The following TMEM33 variants were observed in gnomAD, a reference collection of about 807,000 sequenced individuals.
TMEM33 encodes transmembrane protein 33.
In TMEM33, 16 loss-of-function variants were observed where a neutral mutation model predicts 29.7. The observed-to-expected ratio is 0.54, with a 90% CI of 0.36 to 0.82. TMEM33 has a LOEUF of 0.82. Among genes scored for constraint, TMEM33 ranks in the 40% least tolerant of loss-of-function variants. The pLI is 0.00. For missense variants in TMEM33, 252 were observed against 295.3 expected, an observed-to-expected ratio of 0.85 and a Z score of 1.08; for synonymous variants, 112 against 109.4, an observed-to-expected ratio of 1.02 and a Z score of -0.15.
intron 6 of TMEM33, among the ~76,000 whole-genome samples, chr4:41,952,122 G>A (rs1038511999): frequency 9.9e-5 from 15 of 152,148 alleles, no homozygotes; most frequent in African/African-American, 3.6e-4. Context: ...AAGGTATTAG[G>A]AGATAGGATA....
At chr4:41,942,308 A>G (rs1054525437) in intron 3 of TMEM33, among the ~76,000 whole-genome samples, 1 of 152,170 alleles carries the variant, frequency 6.6e-6, no homozygotes. Flanking sequence ...GGAAATGGAC[A>G]TTTTTCTTAA....
intron 6 of TMEM33, among the ~76,000 whole-genome samples, chr4:41,951,334 G>A (rs1282670823): frequency 2.6e-5 from 4 of 152,146 alleles, no homozygotes; most frequent in African/African-American, 9.7e-5. Flanking sequence ...GCACACATAT[G>A]CAAAAATTTT....
At chr4:41,953,171 A>ATTT (rs1713118039) in intron 6 of TMEM33, among the ~76,000 whole-genome samples, 1 of 152,298 alleles carries the variant, frequency 6.6e-6, no homozygotes, top group Admixed American at 6.5e-5. Context: ...TTTCTCTACA[A>ATTT]TGCATTCTAG....
chr4:41,941,518 G>A (rs534924533), intron 3 of TMEM33, among the ~76,000 whole-genome samples: 10 of 152,354 alleles, frequency 6.6e-5, no homozygotes, highest in Admixed American at 2.6e-4. Flanking sequence ...CACTCAGTAA[G>A]TTTTGTTGAG....
At chr4:41,944,438 C>T (rs1168779890) in intron 4 of TMEM33, among the ~76,000 whole-genome samples, 1 of 152,102 alleles carries the variant, frequency 6.6e-6, no homozygotes. Context: ...ATAATTCTAA[C>T]ATTAGCTAAG....
At chr4:41,946,898 C>T (rs1217607884) in intron 5 of TMEM33, among the ~76,000 whole-genome samples, 1 of 152,004 alleles carries the variant, frequency 6.6e-6, no homozygotes, top group Non-Finnish European at 1.5e-5. Context: ...GGGTCAGGAT[C>T]ACAGGTTCTG....
At chr4:41,947,234 C>CAA (rs527622236) in intron 5 of TMEM33, among the ~76,000 whole-genome samples, 3 of 126,604 alleles carry the variant, frequency 2.4e-5, no homozygotes, top group Non-Finnish European at 1.7e-5. Flanking sequence ...GACTCCCTCT[C>CAA]AAAAAAAAAA....
chr4:41,949,452 A>G lies in TMEM33; in HGVS notation c.614+67A>G, dbSNP rs183718818. The G allele has an allele frequency of 3.3e-4, 421 of 1,285,086 alleles. 1 individual carries two copies. Among genetic ancestry groups the G allele is most frequent in the Non-Finnish European group, 3.6e-4 (327 of 920,146 alleles). 79.6% of individuals were successfully genotyped at this position (1,285,086 alleles called of 1,614,324 possible). A position where few individuals can be genotyped will look rare whatever the true frequency, so the allele number is the denominator to read the frequency against. ...GTATTGTGAATATATAGTATTCGCA[A>G]TTCTTAAGAGTTACTTAGCTAATGT... is the stretch of plus-strand genomic sequence containing the variant. On this transcript the variant is annotated intron_variant, in intron 6 of 6. Transcript: ENST00000504986.
rs891454187 is a variant in TMEM33 at position 41,940,362 on chromosome 4, A to G, written c.328+979A>G. Among the ~76,000 whole-genome samples, 6 of 152,098 alleles carry G rather than the reference A, an allele frequency of 3.9e-5. No individual in the cohort carries two copies. In the South Asian group the frequency reaches 1.2e-3, roughly 31 times the overall value. The stretch of plus-strand genomic sequence containing the variant: ...AATATTTATGATACATCTGTATGTT[A>G]TGTAAAGCACAATAAAATATTCCTC... On this transcript the variant is annotated intron_variant, in intron 3 of 6. Coordinates refer to ENST00000504986, the MANE Select transcript of TMEM33 (RefSeq NM_018126.3).
chr4:41,944,986 C>G (rs1479924916), intron 5 of TMEM33, 60 bp downstream of exon 5: 1 of 1,582,634 alleles, frequency 6.3e-7, no homozygotes, highest in Non-Finnish European at 8.6e-7. Context: ...AAGATAGTAA[C>G]TCAAGTTTTA....
intron 6 of TMEM33, among the ~76,000 whole-genome samples, chr4:41,952,696 A>G (rs1486338095): frequency 1.3e-5 from 2 of 152,220 alleles, no homozygotes; most frequent in African/African-American, 4.8e-5. Flanking sequence ...TGTGGAGGGT[A>G]TTGGGTGTGA....
chr4:41,937,651 G>A (rs1431865356), intron 1 of TMEM33, among the ~76,000 whole-genome samples: 1 of 151,930 alleles, frequency 6.6e-6, no homozygotes, highest in African/African-American at 2.4e-5. Context: ...ATACAGTAGG[G>A]TAAATATTTG....
In TMEM33 at chr4:41,938,700, T is replaced by A; in HGVS notation, c.140+4T>A. ...TGTTTGTTCTGCCTCTTCTTGGGTA[T>A]GTATTATACATATTGCTGCCTTTGA... On this transcript the variant is annotated splice_donor_region_variant and intron_variant, in intron 2 of 6. Transcript: ENST00000504986. The A allele has an allele frequency of 6.2e-7, 1 of 1,613,916 alleles. No homozygotes were observed. Among genetic ancestry groups the A allele is most frequent in the South Asian group, 1.1e-5 (1 of 91,080 alleles).
chr4:41,935,154 T>G, upstream of TMEM33: 1 of 444,278 alleles, frequency 2.3e-6, no homozygotes, highest in South Asian at 2.4e-5. Flanking sequence ...GGTTCGGCAA[T>G]AACCTGGAGC....
rs184863388 is a variant in TMEM33, at chr4:41,953,709, A to C, written c.615-361A>C. 1,119 of 456,672 alleles carry C rather than the reference A, an allele frequency of 2.5e-3. 8 individuals carry two copies. Among genetic ancestry groups the C allele is most frequent in the South Asian group, 8.2e-3 (525 of 64,392 alleles). 28.3% of individuals were successfully genotyped at this position (456,672 alleles called of 1,614,324 possible). A position where few individuals can be genotyped will look rare whatever the true frequency, so the allele number is the denominator to read the frequency against. On this transcript the variant is annotated intron_variant, in intron 6 of 6. Transcript: ENST00000504986. ...TAGGTAGGTCTGAGGAGAGGGAAAG[A>C]GACCAATCAGGAATGGCCTTCATGA...
intron 3 of TMEM33, chr4:41,939,659 C>T: frequency 1.9e-6 from 1 of 525,870 alleles, no homozygotes; most frequent in Non-Finnish European, 3.7e-6. Context: ...CGAAGCACAA[C>T]CTTACGCAGA....
chr4:41,937,354 G>A (rs1416243845), intron 1 of TMEM33, among the ~76,000 whole-genome samples: 4 of 152,140 alleles, frequency 2.6e-5, no homozygotes, highest in African/African-American at 9.7e-5. Flanking sequence ...TGGAGTCACA[G>A]TACGGTAAGT....
At chr4:41,947,053 T>C (rs1712827326) in intron 5 of TMEM33, among the ~76,000 whole-genome samples, 1 of 152,110 alleles carries the variant, frequency 6.6e-6, no homozygotes, top group African/African-American at 2.4e-5. Flanking sequence ...CTGGCCAATG[T>C]GGTGAAACCC....
intron 5 of TMEM33, 111 bp downstream of exon 5, chr4:41,945,037 G>A: frequency 2.2e-6 from 3 of 1,361,728 alleles, no homozygotes; most frequent in Non-Finnish European, 3.0e-6. Context: ...GACATGTAGA[G>A]CTAAATGAAT....
Sources: allele counts gnomAD v4.1 joint callset (sites outside exome capture counted in the v4.1 genomes callset), GRCh38; gene constraint gnomAD v4.1.1; transcripts MANE v1.5; gene names NCBI Gene and HGNC (gene_info 2026-07-23, HGNC 2026-07-21).